FOXP1: variants seen among roughly 807,000 people sequenced by gnomAD.
The protein encoded by FOXP1 is forkhead box P1.
In FOXP1, 15 loss-of-function variants were observed where a neutral mutation model predicts 98.2. That is an observed-to-expected ratio of 0.15 (90% CI 0.10 to 0.24). The LOEUF is 0.24. Ranked by LOEUF, FOXP1 falls within the 10% of genes least tolerant of loss-of-function variation. The pLI is 1.00. For synonymous variants in FOXP1, 371 were observed against 314.5 expected (o/e 1.18, Z -1.90); for missense variants, 633 against 848.5 (o/e 0.75, Z 3.15).
chr3:71,471,313 C>A (rs1422921703), intron 3 of FOXP1, among the ~76,000 whole-genome samples: 1 of 151,166 alleles, frequency 6.6e-6, no homozygotes, highest in Non-Finnish European at 1.5e-5. Flanking sequence ...AGTAAACATA[C>A]ACCAAAAATT....
chr3:71,520,960 C>G (rs1413524315), intron 2 of FOXP1, among the ~76,000 whole-genome samples: 2 of 152,020 alleles, frequency 1.3e-5, no homozygotes, highest in Non-Finnish European at 2.9e-5. Flanking sequence ...GACATTTTCC[C>G]CTCCCACCGA....
intron 4 of FOXP1, among the ~76,000 whole-genome samples, chr3:71,313,416 C>A (rs1296131590): frequency 6.6e-6 from 1 of 152,064 alleles, no homozygotes; most frequent in African/African-American, 2.4e-5. Flanking sequence ...TCTACCTATT[C>A]ATTGGCTGAA....
rs185761256 is a variant in FOXP1, at chr3:70,961,053, C to T, written c.1890-1662G>A. On this transcript the variant is annotated intron_variant, in intron 20 of 20. Coordinates refer to ENST00000649528, the MANE Select transcript of FOXP1 (RefSeq NM_001349338.3). ...TAGAGAAGAGGTTTCACCGTGGTCT[C>T]GATCTCCTGACCTCGTGATCCGCCC... Among the ~76,000 whole-genome samples, 13 of 151,978 alleles carry T rather than the reference C, an allele frequency of 8.6e-5. No individual in the cohort carries two copies. The East Asian group carries it at 2.3e-3, about 27-fold the overall frequency.
intron 7 of FOXP1, among the ~76,000 whole-genome samples, chr3:71,090,040 T>A (rs2055621496): frequency 6.6e-6 from 1 of 152,140 alleles, no homozygotes; most frequent in Non-Finnish European, 1.5e-5. Flanking sequence ...ATTTTTTAAA[T>A]CTTTGCAAAG....
intron 20 of FOXP1, among the ~76,000 whole-genome samples, chr3:70,963,829 G>A (rs2034136382): frequency 6.6e-6 from 1 of 152,132 alleles, no homozygotes; most frequent in Non-Finnish European, 1.5e-5. Flanking sequence ...TTCAAAGGAC[G>A]AACGAAACGT....
At chr3:71,251,513 G>A (rs760050989) in intron 5 of FOXP1, among the ~76,000 whole-genome samples, 47 of 152,114 alleles carry the variant, frequency 3.1e-4, no homozygotes, top group African/African-American at 1.1e-3. Context: ...TGTTTCTTTC[G>A]CAATGGGCAA....
At chr3:71,443,841 T>C (rs529473319) in intron 3 of FOXP1, among the ~76,000 whole-genome samples, 6 of 152,334 alleles carry the variant, frequency 3.9e-5, no homozygotes, top group African/African-American at 1.4e-4. Context: ...GGTGGCCTTA[T>C]GATGATCCAA....
chr3:71,463,731 T>G (rs1053269714), intron 3 of FOXP1, among the ~76,000 whole-genome samples: 5 of 152,210 alleles, frequency 3.3e-5, no homozygotes. Context: ...TGACTGCGTC[T>G]TGACCCCAAA....
intron 7 of FOXP1, among the ~76,000 whole-genome samples, chr3:71,059,045 C>T (rs1453004437): frequency 6.6e-6 from 1 of 152,152 alleles, no homozygotes; most frequent in Admixed American, 6.5e-5. Context: ...AATGCAAAAT[C>T]ATCTAGGTAG....
intron 5 of FOXP1, among the ~76,000 whole-genome samples, chr3:71,248,877 T>C (rs766004719): frequency 3.9e-5 from 6 of 152,120 alleles, no homozygotes; most frequent in Non-Finnish European, 2.9e-5. Context: ...GTTCACACAA[T>C]AGGCCTCAGG....
chr3:71,048,172 C>G (rs2049301315), intron 9 of FOXP1, among the ~76,000 whole-genome samples: 1 of 151,890 alleles, frequency 6.6e-6, no homozygotes, highest in South Asian at 2.1e-4. Context: ...AAGAAAAGAA[C>G]AAGATCAGTG....
intron 2 of FOXP1, among the ~76,000 whole-genome samples, chr3:71,562,468 G>T (rs1212980020): frequency 2.0e-5 from 3 of 152,166 alleles, no homozygotes; most frequent in Non-Finnish European, 2.9e-5. Context: ...AGTATCTACT[G>T]AACTATGTGT....
chr3:71,360,089 G>A (rs998461456), intron 3 of FOXP1, among the ~76,000 whole-genome samples: 2 of 152,018 alleles, frequency 1.3e-5, no homozygotes, highest in Middle Eastern at 3.2e-3. Context: ...CACCATGCTC[G>A]GCTTATAATT....
At chr3:71,288,810 T>C (rs772140995) in intron 5 of FOXP1, among the ~76,000 whole-genome samples, 7 of 152,136 alleles carry the variant, frequency 4.6e-5, no homozygotes, top group Non-Finnish European at 8.8e-5. Flanking sequence ...TTACTATTCC[T>C]GGAAAAATAA....
chr3:71,432,687 C>A (rs375441584), intron 3 of FOXP1, among the ~76,000 whole-genome samples: 3 of 151,952 alleles, frequency 2.0e-5, no homozygotes, highest in African/African-American at 4.8e-5. Context: ...TACTCATGAT[C>A]GCTTCACCCC....
At chr3:71,501,293 C>CTTT (rs763654842) in intron 2 of FOXP1, among the ~76,000 whole-genome samples, 9 of 129,720 alleles carry the variant, frequency 6.9e-5, no homozygotes, top group East Asian at 2.2e-4. Flanking sequence ...AAATGCTTTT[C>CTTT]TTTTTTTTTT....
intron 17 of FOXP1, 97 bp downstream of exon 17, chr3:70,976,844 T>C: frequency 1.2e-6 from 1 of 862,502 alleles, no homozygotes; most frequent in East Asian, 2.5e-5. Context: ...CAAAACAATA[T>C]AAATGTAGCT....
chr3:71,078,310 A>G (rs915283868), intron 7 of FOXP1, among the ~76,000 whole-genome samples: 4 of 152,244 alleles, frequency 2.6e-5, no homozygotes, highest in Non-Finnish European at 5.9e-5. Flanking sequence ...CTATATTGCC[A>G]TGTTTAGGGA....
At chr3:71,441,983 C>T (rs2085984201) in intron 3 of FOXP1, among the ~76,000 whole-genome samples, 1 of 152,198 alleles carries the variant, frequency 6.6e-6, no homozygotes, top group Non-Finnish European at 1.5e-5. Context: ...ATGAAGAGGG[C>T]TTCACCCACT....
Sources: allele counts gnomAD v4.1 joint callset (sites outside exome capture counted in the v4.1 genomes callset), GRCh38; gene constraint gnomAD v4.1.1; transcripts MANE v1.5; gene names NCBI Gene and HGNC (gene_info 2026-07-23, HGNC 2026-07-21).